MPND: variants seen among roughly 807,000 people sequenced by gnomAD.
The protein encoded by MPND is MPN domain containing, also known as MPN domain-containing protein.
A neutral mutation model predicts 59.2 loss-of-function variants in MPND; 56 were observed. The ratio of observed to expected loss-of-function variants is 0.95; its 90% CI spans 0.76 to 1.18. The LOEUF (loss-of-function observed/expected upper bound fraction) is 1.18, where lower values mean the gene tolerates loss of function less well. Ranked by LOEUF, MPND falls within the 50% of genes most tolerant of loss-of-function variation. MPND has a pLI of 0.00. For missense variants in MPND, 671 were observed against 676.0 expected (o/e 0.99, Z 0.08); for synonymous variants, 323 against 291.9 (o/e 1.11, Z -1.09).
intron 3 of MPND, among the ~76,000 whole-genome samples, chr19:4,351,742 A>G (rs1972321963): frequency 2.0e-5 from 3 of 151,304 alleles, no homozygotes; most frequent in Admixed American, 1.3e-4. Flanking sequence ...CATGCCTATA[A>G]TCCCAGCTAC....
Position 4,355,083 on chromosome 19 carries a change from G to A in MPND, c.920-14G>A, listed in dbSNP as rs1972405929. The A allele has an allele frequency of 3.1e-6, 5 of 1,613,856 alleles. No individual in the cohort carries two copies. The highest frequency in any genetic ancestry group is 4.2e-6 in the Non-Finnish European group (5 of 1,179,918). ...GGACCGGGGTCACGGGGTCACAGCT[G>A]CCCCTCCCCACAGTGCTGACGGTGC... On this transcript the variant is annotated splice_polypyrimidine_tract_variant and intron_variant, in intron 7 of 12. Transcript: ENST00000599840.
At position 4,354,388 on chromosome 19, in the gene MPND, G is replaced by C; in HGVS notation, c.814G>C (p.Val272Leu). 1 of 1,560,940 alleles carries C rather than the reference G, an allele frequency of 6.4e-7. No individual in the cohort carries two copies. The highest frequency in any genetic ancestry group is 1.2e-5 in the South Asian group (1 of 84,830). Residue 272 changes from valine (V) to leucine (L), a missense_variant, in exon 6 of 13, where the codon GTG becomes CTG. Transcript: ENST00000599840. ...CATCAACAAGTTCCAGCCGTTCAAC[G>C]TGGCTGTTTCTAGCAACGTGCTGTT... Reference protein sequence around the residue: ...AAINKFQPFNVAVSSNVLFLL... With the variant: ...AAINKFQPFNLAVSSNVLFLL...
At chr19:4,354,244 T>A in intron 5 of MPND, 80 bp from the exon 6 acceptor site, 1 of 1,475,434 alleles carries the variant, frequency 6.8e-7, no homozygotes, top group Non-Finnish European at 9.3e-7. Flanking sequence ...CTCAGAGCTG[T>A]GGGGTTGGGG....
intron 3 of MPND, 101 bp downstream of exon 3, chr19:4,346,082 TACAA>T: frequency 1.0e-6 from 1 of 986,582 alleles, no homozygotes; most frequent in South Asian, 1.6e-5. Context: ...TAGTAATATA[TACAA>T]ACACGGATGG....
intron 11 of MPND, among the ~76,000 whole-genome samples, 179 bp from the exon 12 acceptor site, chr19:4,358,984 C>G (rs972964755): frequency 6.6e-6 from 1 of 152,130 alleles, no homozygotes; most frequent in Non-Finnish European, 1.5e-5. Flanking sequence ...CTCGAGAGAG[C>G]CCTCCTGGAC....
At chr19:4,344,450 G>T (rs1445121908) in intron 2 of MPND, among the ~76,000 whole-genome samples, 10 of 152,216 alleles carry the variant, frequency 6.6e-5, no homozygotes, top group Admixed American at 5.2e-4. Flanking sequence ...CTTTTTACGG[G>T]ACAAGCCCCA....
intron 4 of MPND, 118 bp from the exon 5 acceptor site, chr19:4,353,927 C>A: frequency 1.2e-6 from 1 of 835,930 alleles, no homozygotes; most frequent in Non-Finnish European, 2.0e-6. Context: ...CTCCCATGCT[C>A]AAGCGATCCT....
chr19:4,357,718 G>T, intron 10 of MPND, 133 bp downstream of exon 10: 3 of 848,614 alleles, frequency 3.5e-6, no homozygotes, highest in Admixed American at 2.8e-5. Flanking sequence ...ATGAAATGGG[G>T]ACGTGACTGC....
At position 4,359,973 on chromosome 19, in the gene MPND, G is replaced by T; in HGVS notation, c.1477G>T (p.Val493Leu). Residue 493 changes from valine to leucine, a missense_variant, in exon 13 of 13, where the codon GTG becomes TTG. Coordinates refer to ENST00000599840, the MANE Select transcript of MPND (RefSeq NM_001300862.2). ...DQSLCHVLEQ[V>L]CGVLKQGS ...GAGCCTGTGTCACGTCCTGGAACAG[G>T]TGTGCGGCGTCCTCAAGCAGGGGAG... 6.4e-7 allele frequency: 1 copy of T among 1,571,016 alleles called. No homozygotes were observed. The highest frequency in any genetic ancestry group is 1.2e-5 in the South Asian group (1 of 85,464).
intron 8 of MPND, among the ~76,000 whole-genome samples, chr19:4,356,419 C>T (rs986923789): frequency 6.6e-6 from 1 of 152,096 alleles, no homozygotes; most frequent in African/African-American, 2.4e-5. Flanking sequence ...GTGGTACGCA[C>T]CTGTAGTCCC....
At chr19:4,351,976 C>A (rs373507634) in intron 3 of MPND, among the ~76,000 whole-genome samples, 5 of 151,512 alleles carry the variant, frequency 3.3e-5, no homozygotes, top group African/African-American at 1.2e-4. Flanking sequence ...AGTTTGAGAC[C>A]AGCCTGGCCA....
chr19:4,347,725 C>A, intron 3 of MPND: 1 of 769,878 alleles, frequency 1.3e-6, no homozygotes, highest in South Asian at 1.8e-5. Context: ...ACTTAAGCTT[C>A]AGTGAGCCAC....
chr19:4,355,370 C>T (rs1972415248), intron 8 of MPND, among the ~76,000 whole-genome samples, 197 bp downstream of exon 8: 1 of 145,982 alleles, frequency 6.9e-6, no homozygotes, highest in African/African-American at 2.6e-5. Flanking sequence ...GAGTCTCGCT[C>T]TGTCACCCAG....
At chr19:4,347,896 T>TG (rs1253127081) in intron 3 of MPND, 1 of 180,280 alleles carries the variant, frequency 5.5e-6, no homozygotes, top group Non-Finnish European at 1.2e-5. Context: ...TGTTTTTTTT[T>TG]GTTTTTTTTT....
Position 4,355,037 on chromosome 19 carries a change from C to T in MPND, c.919+16C>T, listed in dbSNP as rs755989874. The T allele has an allele frequency of 1.0e-5, 8 of 766,730 alleles. No individual in the cohort carries two copies. Among genetic ancestry groups the T allele is most frequent in the Admixed American group, 5.7e-5 (2 of 35,114 alleles). The allele number at this position is 766,730 out of a possible 1,614,324, so 47.5% of individuals were successfully genotyped here. A position where few individuals can be genotyped will look rare whatever the true frequency, so the allele number is the denominator to read the frequency against. On this transcript the variant is annotated intron_variant, in intron 7 of 12. Coordinates refer to ENST00000599840, the MANE Select transcript of MPND (RefSeq NM_001300862.2). ...AACAGCCAGAGTGGGTATCCAGGGC[C>T]AGGTGGGCGGGGGCGTTGGAGGACC...
intron 8 of MPND, among the ~76,000 whole-genome samples, chr19:4,355,793 C>T (rs1431154899): frequency 2.6e-5 from 4 of 151,626 alleles, no homozygotes; most frequent in African/African-American, 7.3e-5. Context: ...CTCTTGACCT[C>T]GTGATCTGCC....
In MPND at chr19:4,350,923, A is replaced by C. The variant is rs943052875; in HGVS notation, c.532-1974A>C. Among the ~76,000 whole-genome samples the C allele has an allele frequency of 1.3e-4, 19 of 151,668 alleles. 1 individual carries two copies. Among genetic ancestry groups the C allele is most frequent in the South Asian group, 4.2e-4 (2 of 4,786 alleles). On this transcript the variant is annotated intron_variant, in intron 3 of 12. Coordinates refer to ENST00000599840, the MANE Select transcript of MPND (RefSeq NM_001300862.2). ...CTGGGGCCAGCAACAGCGAGAGGGG[A>C]GGTGAGAGGGAGCCAGGCGAGCGTG...
intron 6 of MPND, 136 bp downstream of exon 6, chr19:4,354,556 G>T (rs753096714): frequency 1.4e-6 from 1 of 735,180 alleles, no homozygotes; most frequent in South Asian, 1.7e-5. Context: ...CACTGTGGGT[G>T]CTCAATAAAT....
intron 3 of MPND, among the ~76,000 whole-genome samples, chr19:4,350,044 T>C (rs942712993): frequency 6.8e-6 from 1 of 147,682 alleles, no homozygotes; most frequent in East Asian, 2.0e-4. Flanking sequence ...AAGTCAAAAA[T>C]CCCTGCCTTT....
Sources: gnomAD v4.1 joint callset for allele counts (sites outside exome capture counted in the v4.1 genomes callset) on GRCh38, gnomAD v4.1.1 for gene constraint, MANE v1.5 for transcripts, NCBI Gene and HGNC (gene_info 2026-07-23, HGNC 2026-07-21) for gene names.